TMEM74: variants seen among roughly 807,000 people sequenced by gnomAD.
The protein encoded by TMEM74 is transmembrane protein 74.
A neutral mutation model predicts 18.1 loss-of-function variants in TMEM74; 13 were observed. That is an observed-to-expected ratio of 0.72 (90% confidence interval 0.47 to 1.14). The LOEUF (loss-of-function observed/expected upper bound fraction) is 1.14, where lower values mean the gene tolerates loss of function less well. Ranked by LOEUF, TMEM74 falls within the 50% of genes most tolerant of loss-of-function variation. The pLI, the probability that TMEM74 is intolerant of heterozygous loss-of-function variation, is 0.00. For synonymous variants in TMEM74, 159 were observed against 146.6 expected, an observed-to-expected ratio of 1.08 and a Z score of -0.61; for missense variants, 372 against 375.9, an observed-to-expected ratio of 0.99 and a Z score of 0.09.
intron 2 of TMEM74, among the ~76,000 whole-genome samples, chr8:108,640,159 G>A (rs1180497155): frequency 3.7e-5 from 5 of 135,136 alleles, no homozygotes; most frequent in Non-Finnish European, 7.7e-5. Context: ...GGAGTCCGGA[G>A]TCTTGCTCTA....
chr8:108,612,374 A>G (rs968579748), intron 2 of TMEM74, among the ~76,000 whole-genome samples: 1 of 152,232 alleles, frequency 6.6e-6, no homozygotes, highest in African/African-American at 2.4e-5. Context: ...ATGAAGGGTC[A>G]TAAGAATAAC....
At chr8:108,733,503 TG>T (rs1270241345) in intron 1 of TMEM74, among the ~76,000 whole-genome samples, 1 of 152,144 alleles carries the variant, frequency 6.6e-6, no homozygotes, top group Non-Finnish European at 1.5e-5. Context: ...GAGGAGTTAC[TG>T]GAAAGGGGTA....
At chr8:108,613,215 T>A (rs1812349933) in intron 2 of TMEM74, among the ~76,000 whole-genome samples, 2 of 152,124 alleles carry the variant, frequency 1.3e-5, no homozygotes, top group South Asian at 4.1e-4. Context: ...GGAAAAAAAA[T>A]TCAACCATTG....
Position 108,781,233 on chromosome 8 carries a change from A to G in TMEM74, c.*2948T>C, listed in dbSNP as rs139831463. Among the ~76,000 whole-genome samples, 1 of 152,368 alleles carries G rather than the reference A, an allele frequency of 6.6e-6. No individual in the cohort carries two copies. Among genetic ancestry groups the G allele is most frequent in the Non-Finnish European group, 1.5e-5 (1 of 68,032 alleles). On this transcript the variant is annotated 3_prime_UTR_variant, in exon 2 of 2. Transcript: ENST00000297459. ...ATAAAAACTTTCACAGGTAACAACC[A>G]GCACCATATTGAAGAGACAGACGGA... is the stretch of plus-strand genomic sequence containing the variant.
rs536807606 is a variant in TMEM74 at position 108,670,274 on chromosome 8, T to A, written n.120-14837A>T. Among the ~76,000 whole-genome samples, 91 of 152,286 alleles carry A rather than the reference T, an allele frequency of 6.0e-4. 1 individual carries two copies. The highest frequency in any genetic ancestry group is 2.2e-3 in the African/African-American group (90 of 41,582). ...CCTATGAACAAATAGCCAATTCTAGTGCTGTGTTCAATATTTTTACTTCAG... is the reference window on the plus strand; with the variant it reads ...CCTATGAACAAATAGCCAATTCTAGAGCTGTGTTCAATATTTTTACTTCAG... On this transcript the variant is annotated intron_variant and non_coding_transcript_variant, in intron 1 of 3. Coordinates refer to the TMEM74 transcript ENST00000518838.
intron 2 of TMEM74, among the ~76,000 whole-genome samples, chr8:108,638,549 CAA>C (rs1476570592): frequency 2.7e-5 from 4 of 147,162 alleles, no homozygotes; most frequent in Admixed American, 6.8e-5. Context: ...GTGAAATTTC[CAA>C]AGTCTCTAGC....
At chr8:108,649,048 C>T (rs559805024) in intron 2 of TMEM74, among the ~76,000 whole-genome samples, 1 of 152,240 alleles carries the variant, frequency 6.6e-6, no homozygotes, top group East Asian at 1.9e-4. Flanking sequence ...TTCTGAGATT[C>T]CAAATGAGGA....
Position 108,644,979 on chromosome 8 carries a change from G to A in TMEM74, n.264+10314C>T, listed in dbSNP as rs953148040. On this transcript the variant is annotated intron_variant and non_coding_transcript_variant, in intron 2 of 3. Coordinates refer to the TMEM74 transcript ENST00000518838. ...AGAATTTAAAACAGGACTACCATTC[G>A]ACCCAACAATCTGATTATTGGGTAT... Among the ~76,000 whole-genome samples, 9 of 152,168 alleles carry A rather than the reference G, an allele frequency of 5.9e-5. No individual in the cohort carries two copies. In the South Asian group the frequency reaches 6.2e-4, roughly 11 times the overall value.
At chr8:108,726,829 A>G (rs1235289683) in intron 1 of TMEM74, among the ~76,000 whole-genome samples, 1 of 152,102 alleles carries the variant, frequency 6.6e-6, no homozygotes, top group Non-Finnish European at 1.5e-5. Context: ...AAAATTCAAA[A>G]ATATGATAGG....
chr8:108,760,151 A>G (rs542003639), intron 1 of TMEM74, among the ~76,000 whole-genome samples: 11 of 144,380 alleles, frequency 7.6e-5, no homozygotes, highest in South Asian at 2.2e-4. Context: ...GCAGACTGGG[A>G]GAGAGAGAGA....
intron 1 of TMEM74, among the ~76,000 whole-genome samples, chr8:108,673,022 C>G (rs966213283): frequency 2.6e-5 from 4 of 152,152 alleles, no homozygotes; most frequent in African/African-American, 9.6e-5. Context: ...TTTTCAACTT[C>G]ATTTATCTTA....
chr8:108,729,313 C>A (rs1487587229), intron 1 of TMEM74, among the ~76,000 whole-genome samples: 6 of 152,184 alleles, frequency 3.9e-5, no homozygotes, highest in Non-Finnish European at 5.9e-5. Context: ...CCCTCTCCAG[C>A]AATGATTGGT....
At chr8:108,621,985 G>C (rs985357749) in intron 2 of TMEM74, among the ~76,000 whole-genome samples, 1 of 151,996 alleles carries the variant, frequency 6.6e-6, no homozygotes, top group Non-Finnish European at 1.5e-5. Flanking sequence ...TCTTCCTAGC[G>C]AATTTTTTTC....
chr8:108,723,307 A>G (rs1012205578), intron 1 of TMEM74, among the ~76,000 whole-genome samples: 5 of 152,238 alleles, frequency 3.3e-5, no homozygotes, highest in African/African-American at 4.8e-5. Flanking sequence ...AGTTAACAAT[A>G]ATTTCAATTA....
chr8:108,618,416 T>C (rs772162778), intron 2 of TMEM74, among the ~76,000 whole-genome samples: 6 of 152,204 alleles, frequency 3.9e-5, no homozygotes, highest in Non-Finnish European at 5.9e-5. Flanking sequence ...TCAGTTTTGC[T>C]ACAATCTTAT....
chr8:108,684,827 G>T (rs1813152546), intron 1 of TMEM74, among the ~76,000 whole-genome samples: 1 of 151,370 alleles, frequency 6.6e-6, no homozygotes, highest in Non-Finnish European at 1.5e-5. Context: ...ATGCTGTTAT[G>T]GTTACTACAG....
rs532123528 is a variant in TMEM74 at position 108,782,282 on chromosome 8, G to C, written c.*1899C>G. On this transcript the variant is annotated 3_prime_UTR_variant, in exon 2 of 2. Transcript: ENST00000297459. ...GAAATGAGAGTCACAGTAAAACAAA[G>C]TTTGTTCAAAAAGCACAAAAATACA... is the stretch of plus-strand genomic sequence containing the variant. 6.6e-6 allele frequency among the ~76,000 whole-genome samples: 1 copy of C among 152,128 alleles called. No homozygotes were observed. Among genetic ancestry groups the C allele is most frequent in the African/African-American group, 2.4e-5 (1 of 41,508 alleles).
intron 1 of TMEM74, among the ~76,000 whole-genome samples, chr8:108,730,367 T>C (rs1005784370): frequency 2.0e-5 from 3 of 152,120 alleles, no homozygotes; most frequent in Non-Finnish European, 2.9e-5. Flanking sequence ...ATTTAAACAG[T>C]AGCAATTTGT....
chr8:108,763,701 A>T (rs1240135029), intron 1 of TMEM74, among the ~76,000 whole-genome samples: 1 of 152,140 alleles, frequency 6.6e-6, no homozygotes, highest in Non-Finnish European at 1.5e-5. Context: ...AGATCTAATT[A>T]TTTTACTGGT....
Sources: gnomAD v4.1 joint callset for allele counts (sites outside exome capture counted in the v4.1 genomes callset) on GRCh38, gnomAD v4.1.1 for gene constraint, MANE v1.5 for transcripts, NCBI Gene and HGNC (gene_info 2026-07-23, HGNC 2026-07-21) for gene names.